Variants in KALRN observed in about 807,000 individuals in gnomAD.
The protein encoded by KALRN is kalirin RhoGEF kinase.
In KALRN, 70 loss-of-function variants were observed where a neutral mutation model predicts 353.7. The ratio of observed to expected loss-of-function variants is 0.20; its 90% confidence interval spans 0.16 to 0.24. KALRN has a LOEUF of 0.24. Among genes scored for constraint, KALRN ranks in the 10% least tolerant of loss-of-function variants. The probability of loss-of-function intolerance (pLI) is 1.00; values close to 1 mark genes in which losing one functional copy is unlikely to be tolerated. For synonymous variants in KALRN, 1,391 were observed against 1,434.8 expected, an observed-to-expected ratio of 0.97 and a Z score of 0.69; for missense variants, 2,791 against 3,756.7, an observed-to-expected ratio of 0.74 and a Z score of 6.72.
At chr3:124,369,594 G>A (rs1391442981) in intron 10 of KALRN, among the ~76,000 whole-genome samples, 2 of 152,130 alleles carry the variant, frequency 1.3e-5, no homozygotes, top group Non-Finnish European at 2.9e-5. Context: ...TATCATTTTT[G>A]TGGTGAGGGA....
intron 1 of KALRN, among the ~76,000 whole-genome samples, chr3:124,123,191 C>T (rs1299353647): frequency 1.3e-5 from 1 of 79,542 alleles, no homozygotes; most frequent in African/African-American, 3.9e-5. Context: ...CAAAGCAAGA[C>T]TCCATCTCAA....
At chr3:124,697,131 C>G (rs1278570057) in intron 54 of KALRN, among the ~76,000 whole-genome samples, 1 of 152,020 alleles carries the variant, frequency 6.6e-6, no homozygotes, top group Non-Finnish European at 1.5e-5. Context: ...CTCCTGGGCT[C>G]AAGTGATCCT....
intron 10 of KALRN, chr3:124,374,291 C>T (rs1273805240): frequency 6.6e-6 from 1 of 152,228 alleles, no homozygotes; most frequent in Non-Finnish European, 1.5e-5. Flanking sequence ...TATAAGCCAC[C>T]CATTGTAAAG....
At chr3:124,148,882 A>G in intron 1 of KALRN, among the ~76,000 whole-genome samples, 1 of 152,254 alleles carries the variant, frequency 6.6e-6, no homozygotes, top group East Asian at 1.9e-4. Context: ...CATGTGTTTT[A>G]AAAGCTCACA....
intron 1 of KALRN, among the ~76,000 whole-genome samples, chr3:124,086,385 G>C (rs2060826199): frequency 6.6e-6 from 1 of 150,408 alleles, no homozygotes; most frequent in East Asian, 1.9e-4. Flanking sequence ...TAGGTAAAAT[G>C]TGGCATGCTG....
At chr3:124,071,935 A>G (rs2060038396) in intron 1 of KALRN, among the ~76,000 whole-genome samples, 1 of 152,196 alleles carries the variant, frequency 6.6e-6, no homozygotes, top group South Asian at 2.1e-4. Flanking sequence ...CTCTGTTAGA[A>G]TTTCCCTTAG....
chr3:124,280,439 G>A (rs60763022), intron 5 of KALRN, among the ~76,000 whole-genome samples: 2,559 of 152,240 alleles, frequency 0.017, 68 homozygotes, highest in African/African-American at 0.056. Flanking sequence ...ACAGTGCTTG[G>A]GGACCTTCCT....
At position 124,617,931 on chromosome 3, in the gene KALRN, C is replaced by T. The variant is rs150536658; in HGVS notation, c.5183-14489C>T. ...AGTTTTGAATGTGATTTGAACAAAG[C>T]GATACAATTGCTCTGGTGGCAGAGA... On this transcript the variant is annotated intron_variant, in intron 34 of 59. Transcript: ENST00000682506. Among the ~76,000 whole-genome samples, 25 of 152,010 alleles carry T rather than the reference C, an allele frequency of 1.6e-4. No homozygotes were observed. The East Asian group carries it at 3.5e-3, about 21-fold the overall frequency.
intron 34 of KALRN, among the ~76,000 whole-genome samples, chr3:124,627,146 G>A (rs1325774292): frequency 6.6e-6 from 1 of 152,160 alleles, no homozygotes; most frequent in Non-Finnish European, 1.5e-5. Context: ...GATTAACTAA[G>A]TAGATGTTTC....
chr3:124,088,248 A>G (rs1218764521), intron 1 of KALRN, among the ~76,000 whole-genome samples: 1 of 152,188 alleles, frequency 6.6e-6, no homozygotes, highest in East Asian at 1.9e-4. Flanking sequence ...GCCGAGGGTC[A>G]TCCACATGTG....
At chr3:124,453,120 G>A (rs1036920562) in intron 21 of KALRN, among the ~76,000 whole-genome samples, 1 of 152,110 alleles carries the variant, frequency 6.6e-6, no homozygotes, top group Non-Finnish European at 1.5e-5. Context: ...TTAAAAAGGG[G>A]TTCAATAATT....
chr3:124,326,631 C>T (rs927880279), intron 7 of KALRN, among the ~76,000 whole-genome samples: 9 of 152,260 alleles, frequency 5.9e-5, no homozygotes, highest in Admixed American at 6.5e-5. Context: ...AATAATTACT[C>T]GTACTTACTA....
chr3:124,403,980 T>A (rs1041933161), intron 13 of KALRN, among the ~76,000 whole-genome samples: 1 of 152,126 alleles, frequency 6.6e-6, no homozygotes, highest in Non-Finnish European at 1.5e-5. Context: ...CAAAAGTTGG[T>A]GGCTAGGATT....
intron 34 of KALRN, among the ~76,000 whole-genome samples, chr3:124,592,001 C>A (rs2075824098): frequency 6.6e-6 from 1 of 152,118 alleles, no homozygotes; most frequent in Non-Finnish European, 1.5e-5. Flanking sequence ...GAAGATTCAA[C>A]AGAAGATACT....
At chr3:124,607,238 G>A (rs1477982466) in intron 34 of KALRN, among the ~76,000 whole-genome samples, 1 of 152,164 alleles carries the variant, frequency 6.6e-6, no homozygotes, top group Non-Finnish European at 1.5e-5. Flanking sequence ...CAAAATAGAA[G>A]ATCCAAACAT....
At position 124,144,812 on chromosome 3, in the gene KALRN, G is replaced by A. The variant is rs190697733; in HGVS notation, c.74-83178G>A. Reference sequence around the variant, plus strand: ...TTTACAGTGTTCTTGGGCCTCTGTCGTCTGGAAGTCTGTAGTTTGAGATGG... The same window carrying A: ...TTTACAGTGTTCTTGGGCCTCTGTCATCTGGAAGTCTGTAGTTTGAGATGG... On this transcript the variant is annotated intron_variant, in intron 1 of 59. Transcript: ENST00000682506. Among the ~76,000 whole-genome samples the A allele has an allele frequency of 3.4e-4, 51 of 152,208 alleles. No individual in the cohort carries two copies. The East Asian group carries it at 7.2e-3, about 21-fold the overall frequency.
At chr3:124,135,988 C>T (rs2065875642) in intron 1 of KALRN, among the ~76,000 whole-genome samples, 1 of 152,126 alleles carries the variant, frequency 6.6e-6, no homozygotes, top group Non-Finnish European at 1.5e-5. Flanking sequence ...AGCTGCTTGT[C>T]CTCATCTCCT....
intron 37 of KALRN, among the ~76,000 whole-genome samples, chr3:124,643,829 G>A (rs1022421210): frequency 6.6e-6 from 1 of 152,096 alleles, no homozygotes; most frequent in Admixed American, 6.5e-5. Flanking sequence ...GATGTTATGA[G>A]ATACCCATAG....
intron 34 of KALRN, among the ~76,000 whole-genome samples, chr3:124,586,138 A>G (rs548266667): frequency 3.3e-5 from 5 of 152,372 alleles, no homozygotes; most frequent in African/African-American, 9.6e-5. Flanking sequence ...TCTAGAAACC[A>G]GAATTCAGAT....
Sources: gnomAD v4.1 joint callset for allele counts (sites outside exome capture counted in the v4.1 genomes callset) on GRCh38, gnomAD v4.1.1 for gene constraint, MANE v1.5 for transcripts, NCBI Gene and HGNC (gene_info 2026-07-23, HGNC 2026-07-21) for gene names.